Variants in WDR3 observed in about 807,000 individuals in gnomAD.
WDR3 encodes WD repeat-containing protein 3.
A neutral mutation model predicts 123.7 loss-of-function variants in WDR3; 81 were observed. The ratio of observed to expected loss-of-function variants is 0.65; its 90% CI spans 0.55 to 0.79. The LOEUF is 0.79. Among genes scored for constraint, WDR3 ranks in the 30% least tolerant of loss-of-function variants. WDR3 has a pLI of 0.00. For missense variants in WDR3, 1,027 were observed against 1,123.2 expected, an observed-to-expected ratio of 0.91 and a Z score of 1.22; for synonymous variants, 390 against 388.8, an observed-to-expected ratio of 1.00 and a Z score of -0.04.
Position 117,963,667 on chromosome 1 carries a change from A to G in WDR3, c.*4220A>G. 1 of 854,736 alleles carries G rather than the reference A, an allele frequency of 1.2e-6. No individual in the cohort carries two copies. The highest frequency in any genetic ancestry group is 2.1e-5 in the South Asian group (1 of 47,304). The allele number at this position is 854,736 out of a possible 1,614,324, so 52.9% of individuals were successfully genotyped here. A position where few individuals can be genotyped will look rare whatever the true frequency, so the allele number is the denominator to read the frequency against. ...GTGTGAGCCACCGGGCCCGGCCTAAACAAATATTTTCATTCATTCAGGCCA... is the reference window on the plus strand; with the variant it reads ...GTGTGAGCCACCGGGCCCGGCCTAAGCAAATATTTTCATTCATTCAGGCCA... On this transcript the variant is annotated 3_prime_UTR_variant, in exon 27 of 27. Transcript: ENST00000349139.
At chr1:117,934,354 C>T in intron 2 of WDR3, 119 bp from the exon 3 acceptor site, 2 of 915,068 alleles carry the variant, frequency 2.2e-6, no homozygotes, top group East Asian at 2.5e-5. Context: ...CATTTTTATT[C>T]ATAAGAGTAA....
intron 21 of WDR3, 113 bp downstream of exon 21, chr1:117,953,654 A>T (rs1430726865): frequency 1.0e-6 from 1 of 972,248 alleles, no homozygotes; most frequent in African/African-American, 1.7e-5. Context: ...AGTTGATGAG[A>T]TTTAAAGATG....
Position 117,939,530 on chromosome 1 carries a change from A to C in WDR3, c.633A>C (p.Ser211=), listed in dbSNP as rs757910178. 1.2e-6 allele frequency: 2 copies of C among 1,613,852 alleles called. No homozygotes were observed. Among genetic ancestry groups the C allele is most frequent in the South Asian group, 2.2e-5 (2 of 91,072 alleles). The part of the protein sequence containing the change: ...SEEKRLITGA[S]DSELRVWDIA... ...AAAAGCGACTCATCACTGGGGCCTC[A>C]GACAGTGAACTGAGGGTATGGGACA... The change falls in exon 6 of 27, where the codon TCA becomes TCC. Residue 211 remains serine (S), a synonymous_variant. Transcript: ENST00000349139.
At chr1:117,952,184 T>G in intron 17 of WDR3, 108 bp downstream of exon 17, 4 of 1,457,690 alleles carry the variant, frequency 2.7e-6, no homozygotes, top group Non-Finnish European at 2.8e-6. Context: ...ATACAAGTTC[T>G]AAAATATAGT....
In WDR3 at chr1:117,963,985, C is replaced by T; in HGVS notation, c.*4538C>T. 1 of 1,571,488 alleles carries T rather than the reference C, an allele frequency of 6.4e-7. No homozygotes were observed. Among genetic ancestry groups the T allele is most frequent in the Non-Finnish European group, 8.7e-7 (1 of 1,155,704 alleles). The stretch of plus-strand genomic sequence containing the variant: ...GTGCTTTTCATGACTAAATTATTTG[C>T]ATATATAAACCTAAATAACATTTTA... On this transcript the variant is annotated 3_prime_UTR_variant, in exon 27 of 27. Coordinates refer to ENST00000349139, the MANE Select transcript of WDR3 (RefSeq NM_006784.3).
At chr1:117,943,103 C>T (rs1187977404) in intron 10 of WDR3, among the ~76,000 whole-genome samples, 1 of 151,908 alleles carries the variant, frequency 6.6e-6, no homozygotes, top group African/African-American at 2.4e-5. Context: ...CAGACTTGTG[C>T]CACCACACTC....
rs1652759947 is a variant in WDR3, at chr1:117,959,625, T to C, written c.*178T>C. On this transcript the variant is annotated 3_prime_UTR_variant, in exon 27 of 27. Coordinates refer to ENST00000349139, the MANE Select transcript of WDR3 (RefSeq NM_006784.3). ...GGAATTCCAACATGAGATTATGGGC[T>C]GGCTCCATTTCTTGGACTTAAAATG... is the stretch of plus-strand genomic sequence containing the variant. 1.7e-6 allele frequency: 1 copy of C among 576,900 alleles called. No homozygotes were observed. The highest frequency in any genetic ancestry group is 2.7e-6 in the Non-Finnish European group (1 of 364,470). The allele number at this position is 576,900 out of a possible 1,614,324, so 35.7% of individuals were successfully genotyped here. A position where few individuals can be genotyped will look rare whatever the true frequency, so the allele number is the denominator to read the frequency against.
chr1:117,959,282 T>C lies in WDR3; in HGVS notation c.2677-10T>C, dbSNP rs765416714. The C allele has an allele frequency of 2.5e-6, 4 of 1,606,198 alleles. No homozygotes were observed. In the East Asian group the frequency reaches 8.9e-5, roughly 36 times the overall value. ...GAAAATTTTTTAATATTTCTTGTAT[T>C]GCACTCCAGGATGTTATCGGCTTCA... On this transcript the variant is annotated splice_polypyrimidine_tract_variant and intron_variant, in intron 26 of 26. Transcript: ENST00000349139.
At chr1:117,953,770 C>G in intron 21 of WDR3, 1 of 610,106 alleles carries the variant, frequency 1.6e-6, no homozygotes, top group South Asian at 2.1e-5. Context: ...CTGCCCTATT[C>G]AGAGTGTCTA....
chr1:117,931,602 A>C (rs1321665), intron 1 of WDR3, among the ~76,000 whole-genome samples: 74,847 of 151,948 alleles, frequency 0.49, 18,658 homozygotes, highest in South Asian at 0.63. Flanking sequence ...TGTAGGTGGA[A>C]AGGACTGGAA....
At position 117,936,819 on chromosome 1, in the gene WDR3, T is replaced by C. The variant is rs1469083195; in HGVS notation, c.432T>C (p.Arg144=). ...TGATCAATGAAAGTGGTCTGTACCGTCTAAAGGGGCACAAGGATGCCATCA... is the reference window on the plus strand; with the variant it reads ...TGATCAATGAAAGTGGTCTGTACCGCCTAAAGGGGCACAAGGATGCCATCA... ...WDVINESGLY[R]LKGHKDAITQ... is the part of the protein sequence containing the mutation. Residue 144 remains arginine, a synonymous_variant, in exon 4 of 27, where the codon CGT becomes CGC. Coordinates refer to ENST00000349139, the MANE Select transcript of WDR3 (RefSeq NM_006784.3). 6.2e-7 allele frequency: 1 copy of C among 1,613,466 alleles called. No homozygotes were observed. Among genetic ancestry groups the C allele is most frequent in the Admixed American group, 1.7e-5 (1 of 60,004 alleles).
Position 117,947,423 on chromosome 1 carries a change from G to A in WDR3, c.1423-982G>A, listed in dbSNP as rs140932860. ...TGCTTCAACAAAAAAATGTAGGCTG[G>A]AGAGATTTTAGGAACAATGCCAGGA... is the stretch of plus-strand genomic sequence containing the variant. On this transcript the variant is annotated intron_variant, in intron 12 of 26. Transcript: ENST00000349139. Among the ~76,000 whole-genome samples the A allele has an allele frequency of 9.6e-3, 1,457 of 152,276 alleles. 14 individuals carry two copies. Among genetic ancestry groups the A allele is most frequent in the South Asian group, 0.019 (94 of 4,822 alleles).
Position 117,940,714 on chromosome 1 carries a change from TA to T in WDR3, c.676-111del, listed in dbSNP as rs1156381950. 3 of 966,046 alleles carry T rather than the reference TA, an allele frequency of 3.1e-6. No individual in the cohort carries two copies. In the African/African-American group the frequency reaches 5.0e-5, roughly 16 times the overall value. 59.8% of individuals were successfully genotyped at this position (966,046 alleles called of 1,614,324 possible). A position where few individuals can be genotyped will look rare whatever the true frequency, so the allele number is the denominator to read the frequency against. The stretch of plus-strand genomic sequence containing the variant: ...TTGCACTCCAGCCTGGGCGACAGAG[TA>T]AGACTCTGTCTCCGACAACAACAAC... On this transcript the variant is annotated intron_variant, in intron 6 of 26. Transcript: ENST00000349139.
chr1:117,963,857 G>C lies in WDR3; in HGVS notation c.*4410G>C. On this transcript the variant is annotated 3_prime_UTR_variant, in exon 27 of 27. Coordinates refer to ENST00000349139, the MANE Select transcript of WDR3 (RefSeq NM_006784.3). ...TCCAAGTGTGGAGGAATAAATTGTA[G>C]AAGTTCTCTGGACCATTGGATTTTC... 1 of 1,613,890 alleles carries C rather than the reference G, an allele frequency of 6.2e-7. No homozygotes were observed. The highest frequency in any genetic ancestry group is 8.5e-7 in the Non-Finnish European group (1 of 1,179,808).
Position 117,960,545 on chromosome 1 carries a change from A to T in WDR3, c.*1098A>T, listed in dbSNP as rs994228640. ...ATCAGCTTTTTCTTGTAATGTCATGACTTTTCTCTGCTTTTTGGGAGCACT... is the reference window on the plus strand; with the variant it reads ...ATCAGCTTTTTCTTGTAATGTCATGTCTTTTCTCTGCTTTTTGGGAGCACT... On this transcript the variant is annotated 3_prime_UTR_variant, in exon 27 of 27. Coordinates refer to ENST00000349139, the MANE Select transcript of WDR3 (RefSeq NM_006784.3). The T allele has an allele frequency of 1.3e-5, 2 of 152,162 alleles. No homozygotes were observed. The highest frequency in any genetic ancestry group is 2.4e-5 in the African/African-American group (1 of 41,420). The allele number at this position is 152,162 out of a possible 1,614,324, so 9.4% of individuals were successfully genotyped here.
At chr1:117,953,642 A>G in intron 21 of WDR3, 101 bp downstream of exon 21, 2 of 1,158,760 alleles carry the variant, frequency 1.7e-6, no homozygotes, top group Non-Finnish European at 2.5e-6. Context: ...TTTTTGGCAA[A>G]AAGTTGATGA....
At position 117,943,457 on chromosome 1, in the gene WDR3, A is replaced by G; in HGVS notation, c.1159A>G (p.Asn387Asp). 1 of 1,614,094 alleles carries G rather than the reference A, an allele frequency of 6.2e-7. No homozygotes were observed. The highest frequency in any genetic ancestry group is 8.5e-7 in the Non-Finnish European group (1 of 1,180,006). Residue 387 changes from asparagine (N) to aspartate (D), a missense_variant, in exon 11 of 27, where the codon AAC becomes GAC. Physicochemically the swap from Asn to Asp is conservative, Grantham distance 23. Transcript: ENST00000349139. ...ELKAVFLLQN[N>D]LVELYSLNPS... ...AAAGGCTGTCTTCCTGCTGCAGAAC[A>G]ACCTGGTGGAATTGTATTCACTGAA...
At chr1:117,946,313 A>G in intron 12 of WDR3, 134 bp downstream of exon 12, 10 of 579,692 alleles carry the variant, frequency 1.7e-5, no homozygotes, top group Non-Finnish European at 2.2e-5. Context: ...TTAGTTTATT[A>G]CATATTTTGT....
At chr1:117,945,106 C>A (rs1290045732) in intron 11 of WDR3, among the ~76,000 whole-genome samples, 1 of 152,254 alleles carries the variant, frequency 6.6e-6, no homozygotes, top group South Asian at 2.1e-4. Flanking sequence ...CTGCCACTAC[C>A]CCATTCAAAC....
Sources: allele counts gnomAD v4.1 joint callset (sites outside exome capture counted in the v4.1 genomes callset), GRCh38; gene constraint gnomAD v4.1.1; transcripts MANE v1.5; gene names NCBI Gene and HGNC (gene_info 2026-07-23, HGNC 2026-07-21).